MICU3: variants seen among roughly 807,000 people sequenced by gnomAD.
The protein encoded by MICU3 is mitochondrial calcium uptake 3.
In MICU3, 62 loss-of-function variants were observed where a neutral mutation model predicts 66.5. The ratio of observed to expected loss-of-function variants is 0.93; its 90% confidence interval spans 0.76 to 1.15. MICU3 has a LOEUF of 1.15. Ranked by LOEUF, MICU3 falls within the 50% of genes most tolerant of loss-of-function variation. The pLI, the probability that MICU3 is intolerant of heterozygous loss-of-function variation, is 0.00. For missense variants in MICU3, 779 were observed against 664.4 expected (o/e 1.17, Z -1.90); for synonymous variants, 308 against 240.7 (o/e 1.28, Z -2.59).
intron 1 of MICU3, among the ~76,000 whole-genome samples, chr8:17,058,353 G>A (rs1817298134): frequency 6.6e-6 from 1 of 152,118 alleles, no homozygotes; most frequent in South Asian, 2.1e-4. Context: ...AGTAATATAA[G>A]GATATACACC....
chr8:17,079,331 T>C (rs1820838137), intron 4 of MICU3, among the ~76,000 whole-genome samples: 1 of 152,158 alleles, frequency 6.6e-6, no homozygotes, highest in South Asian at 2.1e-4. Context: ...TAAATTTAAA[T>C]AGCTACACCC....
chr8:17,049,607 C>A (rs1362110132), intron 1 of MICU3: 1 of 518,678 alleles, frequency 1.9e-6, no homozygotes, highest in Non-Finnish European at 3.8e-6. Context: ...ATGAAGCTGG[C>A]ATTTGAACGT....
Position 17,105,594 on chromosome 8 carries a change from C to T in MICU3, c.1257+10C>T. ...TATACCTGAAGAAAAGGTATCTAAT[C>T]CTCATATTTAGTTGGTTATGTTACT... On this transcript the variant is annotated intron_variant, in intron 11 of 14. Coordinates refer to ENST00000318063, the MANE Select transcript of MICU3 (RefSeq NM_181723.3). The T allele has an allele frequency of 6.8e-7, 1 of 1,470,066 alleles. No individual in the cohort carries two copies. The highest frequency in any genetic ancestry group is 9.1e-7 in the Non-Finnish European group (1 of 1,097,324). 91.1% of individuals were successfully genotyped at this position (1,470,066 alleles called of 1,614,324 possible). A position where few individuals can be genotyped will look rare whatever the true frequency, so the allele number is the denominator to read the frequency against.
chr8:17,060,097 T>C (rs1439979667), intron 1 of MICU3, among the ~76,000 whole-genome samples: 3 of 152,198 alleles, frequency 2.0e-5, no homozygotes, highest in Non-Finnish European at 4.4e-5. Flanking sequence ...TAAAACAGTA[T>C]GGTATTTGAG....
At position 17,027,471 on chromosome 8, in the gene MICU3, G is replaced by C. The variant is rs781023389; in HGVS notation, c.192G>C (p.Trp64Cys). ...AEAAWRRRRR[W>C]GELSVAAAAG... ...CGGCATGGAGGCGGCGGCGGCGCTG[G>C]GGGGAGCTGAGCGTGGCGGCGGCGG... The change falls in exon 1 of 15, where the codon TGG becomes TGC. Residue 64 changes from tryptophan to cysteine, a missense_variant. Physicochemically the swap from Trp to Cys is radical, Grantham distance 215 (BLOSUM62 -2). Coordinates refer to ENST00000318063, the MANE Select transcript of MICU3 (RefSeq NM_181723.3). 7.3e-5 allele frequency: 94 copies of C among 1,291,420 alleles called. No homozygotes were observed. Among genetic ancestry groups the C allele is most frequent in the Middle Eastern group, 5.8e-4 (2 of 3,442 alleles). The allele number at this position is 1,291,420 out of a possible 1,614,324, so 80.0% of individuals were successfully genotyped here.
intron 5 of MICU3, among the ~76,000 whole-genome samples, chr8:17,084,646 A>G (rs1002391331): frequency 6.6e-6 from 1 of 152,092 alleles, no homozygotes; most frequent in Non-Finnish European, 1.5e-5. Context: ...TCATTATTAT[A>G]AGGTTCATGA....
At position 17,116,306 on chromosome 8, in the gene MICU3, A is replaced by G. The variant is rs1029044315; in HGVS notation, c.1367-137A>G. ...AAATGTTCATTACCTAAAAGACAGCAGGATTAATGGAAGGCCATGTTGCAT... is the reference window on the plus strand; with the variant it reads ...AAATGTTCATTACCTAAAAGACAGCGGGATTAATGGAAGGCCATGTTGCAT... On this transcript the variant is annotated intron_variant, in intron 12 of 14. Transcript: ENST00000318063. 20 of 507,660 alleles carry G rather than the reference A, an allele frequency of 3.9e-5. No individual in the cohort carries two copies. The African/African-American group carries it at 4.0e-4, about 10-fold the overall frequency. The allele number at this position is 507,660 out of a possible 1,614,324, so 31.4% of individuals were successfully genotyped here.
At chr8:17,059,272 CAA>C (rs1378275783) in intron 1 of MICU3, among the ~76,000 whole-genome samples, 3 of 152,150 alleles carry the variant, frequency 2.0e-5, no homozygotes, top group African/African-American at 4.8e-5. Flanking sequence ...CGTGAAGAAA[CAA>C]GAGGACCAAA....
intron 9 of MICU3, among the ~76,000 whole-genome samples, chr8:17,099,279 C>T (rs913858580): frequency 5.9e-5 from 9 of 151,800 alleles, no homozygotes; most frequent in Admixed American, 4.6e-4. Context: ...AGCGGTCTTA[C>T]CAGAAAAGAC....
intron 8 of MICU3, among the ~76,000 whole-genome samples, chr8:17,091,362 C>T (rs1234614434): frequency 6.6e-6 from 1 of 152,058 alleles, no homozygotes; most frequent in Admixed American, 6.6e-5. Context: ...ATCCTTAAGC[C>T]TCCTGCAAGG....
intron 2 of MICU3, among the ~76,000 whole-genome samples, chr8:17,069,028 G>GTT (rs938074205): frequency 2.0e-5 from 3 of 152,136 alleles, no homozygotes; most frequent in African/African-American, 7.2e-5. Context: ...GTTTTACAGT[G>GTT]TTTGAGATCT....
At chr8:17,114,387 G>C (rs1325959347) in intron 12 of MICU3, among the ~76,000 whole-genome samples, 186 bp downstream of exon 12, 1 of 152,090 alleles carries the variant, frequency 6.6e-6, no homozygotes, top group Admixed American at 6.6e-5. Context: ...GAAACCTCAT[G>C]GCCACTGGGT....
rs539913797 is a variant in MICU3, at chr8:17,064,100, C to T, written c.398C>T (p.Thr133Ile). 3 of 1,610,932 alleles carry T rather than the reference C, an allele frequency of 1.9e-6. No individual in the cohort carries two copies. The highest frequency in any genetic ancestry group is 1.1e-5 in the South Asian group (1 of 90,340). The change falls in exon 2 of 15, where the codon ACA (threonine) becomes ATA (isoleucine). Residue 133 changes from threonine to isoleucine, a missense_variant. Coordinates refer to ENST00000318063, the MANE Select transcript of MICU3 (RefSeq NM_181723.3). ...TAACTTTAGGTTGCTATTGGCAGAA[C>T]AGACATTGAAGACTTAGACCTTTAT... is the stretch of plus-strand genomic sequence containing the variant. ...AAKETVAIGR[T>I]DIEDLDLYAT...
intron 2 of MICU3, among the ~76,000 whole-genome samples, chr8:17,065,856 G>T (rs1818590746): frequency 6.6e-6 from 1 of 152,102 alleles, no homozygotes. Context: ...CTGAAAGGTA[G>T]CTGTAATGGA....
chr8:17,080,442 T>G (rs1015216927), intron 4 of MICU3, among the ~76,000 whole-genome samples: 2 of 152,122 alleles, frequency 1.3e-5, no homozygotes, highest in African/African-American at 4.8e-5. Context: ...CAACATCTCT[T>G]GTGTATTCTA....
chr8:17,030,716 T>A (rs1192740975), intron 1 of MICU3, among the ~76,000 whole-genome samples: 1 of 152,236 alleles, frequency 6.6e-6, no homozygotes, highest in African/African-American at 2.4e-5. Flanking sequence ...TTAGGTATTG[T>A]TATCTAATCC....
chr8:17,059,455 G>T (rs925157044), intron 1 of MICU3, among the ~76,000 whole-genome samples: 6 of 152,094 alleles, frequency 3.9e-5, no homozygotes, highest in African/African-American at 1.4e-4. Flanking sequence ...AAAAAGTCAA[G>T]AGTGCTTAAT....
intron 11 of MICU3, among the ~76,000 whole-genome samples, chr8:17,109,293 A>C (rs1334053860): frequency 6.6e-6 from 1 of 152,132 alleles, no homozygotes; most frequent in East Asian, 1.9e-4. Flanking sequence ...ATGGTATTTT[A>C]AAATGTAGAA....
intron 1 of MICU3, among the ~76,000 whole-genome samples, chr8:17,030,469 A>G (rs1392934570): frequency 1.3e-5 from 2 of 152,190 alleles, no homozygotes; most frequent in African/African-American, 4.8e-5. Flanking sequence ...TGAGAGGTGC[A>G]GTAGTCTTCT....
Sources: allele counts gnomAD v4.1 joint callset (sites outside exome capture counted in the v4.1 genomes callset), GRCh38; gene constraint gnomAD v4.1.1; transcripts MANE v1.5; gene names NCBI Gene and HGNC (gene_info 2026-07-23, HGNC 2026-07-21).